Variants in ZNF385B observed in about 807,000 individuals in gnomAD.
ZNF385B encodes zinc finger protein 533.
In ZNF385B, 23 loss-of-function variants were observed where a neutral mutation model predicts 39.2. The ratio of observed to expected loss-of-function variants is 0.59; its 90% CI spans 0.42 to 0.83. The LOEUF is 0.83. Among genes scored for constraint, ZNF385B ranks in the 40% least tolerant of loss-of-function variants. The pLI is 0.00. For missense variants in ZNF385B, 552 were observed against 598.9 expected, an observed-to-expected ratio of 0.92 and a Z score of 0.82; for synonymous variants, 205 against 222.6, an observed-to-expected ratio of 0.92 and a Z score of 0.70.
intron 1 of ZNF385B, among the ~76,000 whole-genome samples, chr2:179,787,019 CGTATTAACCAT>C (rs1705046621): frequency 6.6e-6 from 1 of 152,074 alleles, no homozygotes; most frequent in Non-Finnish European, 1.5e-5. Flanking sequence ...TTTTCACACA[CGTATTAACCAT>C]GTATTATAGC....
chr2:179,705,306 T>C (rs1172379150), intron 3 of ZNF385B, among the ~76,000 whole-genome samples: 2 of 152,204 alleles, frequency 1.3e-5, no homozygotes, highest in African/African-American at 2.4e-5. Flanking sequence ...ACTCTGTCTG[T>C]AAACACAGTT....
At position 179,774,443 on chromosome 2, in the gene ZNF385B, C is replaced by T. The variant is rs149633796; in HGVS notation, c.-154-3771G>A. Among the ~76,000 whole-genome samples the T allele has an allele frequency of 2.0e-4, 30 of 152,136 alleles. No homozygotes were observed. The East Asian group carries it at 5.6e-3, about 28-fold the overall frequency. On this transcript the variant is annotated intron_variant, in intron 1 of 9. Coordinates refer to ENST00000410066, the MANE Select transcript of ZNF385B (RefSeq NM_152520.6). ...TGGTGCCATCTTGGCTCATTGCAAC[C>T]TCTGCCTCCTGGGTTCAAGCAATTC...
intron 5 of ZNF385B, among the ~76,000 whole-genome samples, chr2:179,516,377 C>A (rs2058090131): frequency 6.6e-6 from 1 of 152,062 alleles, no homozygotes; most frequent in Non-Finnish European, 1.5e-5. Flanking sequence ...TCCAAAGTGG[C>A]TGTACCATTT....
intron 1 of ZNF385B, among the ~76,000 whole-genome samples, chr2:179,818,740 C>T (rs914640132): frequency 6.6e-6 from 1 of 152,162 alleles, no homozygotes; most frequent in Non-Finnish European, 1.5e-5. Context: ...GGAGGAAACA[C>T]ATCACACAAG....
At chr2:179,524,711 G>T (rs372324331) in intron 4 of ZNF385B, among the ~76,000 whole-genome samples, 46 of 151,772 alleles carry the variant, frequency 3.0e-4, no homozygotes, top group African/African-American at 9.7e-4. Context: ...GTTAAAAAGT[G>T]AAAAAGGTAG....
chr2:179,723,874 G>T (rs1346628690), intron 3 of ZNF385B, among the ~76,000 whole-genome samples: 1 of 151,930 alleles, frequency 6.6e-6, no homozygotes, highest in Non-Finnish European at 1.5e-5. Flanking sequence ...TCTTTGCTTG[G>T]TTATCAATTG....
At chr2:179,795,187 G>C (rs1361840212) in intron 1 of ZNF385B, among the ~76,000 whole-genome samples, 5 of 152,082 alleles carry the variant, frequency 3.3e-5, no homozygotes, top group Non-Finnish European at 7.4e-5. Context: ...GTTCTCAGAA[G>C]AAGGAGGTGC....
chr2:179,569,439 A>G lies in ZNF385B; in HGVS notation c.299-24470T>C, dbSNP rs576401489. ...AAGTAACTTTATGAAGCAGTTCTATATCATGTGGGAAATCATGAGGAAAAT... is the reference window on the plus strand; with the variant it reads ...AAGTAACTTTATGAAGCAGTTCTATGTCATGTGGGAAATCATGAGGAAAAT... On this transcript the variant is annotated intron_variant, in intron 3 of 9. Coordinates refer to ENST00000410066, the MANE Select transcript of ZNF385B (RefSeq NM_152520.6). Among the ~76,000 whole-genome samples, 3 of 152,336 alleles carry G rather than the reference A, an allele frequency of 2.0e-5. No homozygotes were observed. In the South Asian group the frequency reaches 6.2e-4, roughly 32 times the overall value.
In ZNF385B at chr2:179,593,721, C is replaced by T. The variant is rs114577489; in HGVS notation, c.299-48752G>A. ...AACATTTTTAGAGAAAGTTCTTACGCTTATCTATACCATCCTTTAACTCAT... is the reference window on the plus strand; with the variant it reads ...AACATTTTTAGAGAAAGTTCTTACGTTTATCTATACCATCCTTTAACTCAT... On this transcript the variant is annotated intron_variant, in intron 3 of 9. Transcript: ENST00000410066. Among the ~76,000 whole-genome samples, 1,024 of 152,262 alleles carry T rather than the reference C, an allele frequency of 6.7e-3. 5 individuals are homozygous for T. Among genetic ancestry groups the T allele is most frequent in the Non-Finnish European group, 0.011 (777 of 68,016 alleles).
At chr2:179,588,931 A>T in intron 3 of ZNF385B, among the ~76,000 whole-genome samples, 1 of 152,174 alleles carries the variant, frequency 6.6e-6, no homozygotes, top group East Asian at 1.9e-4. Context: ...CTGTAGAGAG[A>T]GCTCTGCAAC....
At chr2:179,494,618 T>A (rs935156195) in intron 5 of ZNF385B, among the ~76,000 whole-genome samples, 1 of 152,066 alleles carries the variant, frequency 6.6e-6, no homozygotes, top group African/African-American at 2.4e-5. Context: ...ATTGTATTTT[T>A]AAAAATCTAT....
At chr2:179,652,918 AG>A (rs1478637043) in intron 3 of ZNF385B, among the ~76,000 whole-genome samples, 1 of 151,040 alleles carries the variant, frequency 6.6e-6, no homozygotes, top group Non-Finnish European at 1.5e-5. Context: ...GTCTTAGTTT[AG>A]GCAGGGAAAA....
At chr2:179,812,884 T>A (rs1328322106) in intron 1 of ZNF385B, among the ~76,000 whole-genome samples, 1 of 152,216 alleles carries the variant, frequency 6.6e-6, no homozygotes, top group African/African-American at 2.4e-5. Context: ...AGTTATTCCT[T>A]CATGTTCTTT....
intron 1 of ZNF385B, among the ~76,000 whole-genome samples, chr2:179,813,139 T>C (rs185833895): frequency 2.4e-4 from 36 of 152,342 alleles, no homozygotes; most frequent in African/African-American, 8.2e-4. Context: ...ATTATATAAA[T>C]ATCTACTTAC....
In ZNF385B at chr2:179,773,279, G is replaced by A. The variant is rs1704119479; in HGVS notation, c.-154-2607C>T. On this transcript the variant is annotated intron_variant, in intron 1 of 9. Coordinates refer to ENST00000410066, the MANE Select transcript of ZNF385B (RefSeq NM_152520.6). ...AGTGGCCACATCAGATGGAGAACAA[G>A]AAACTGCCTCCCTTCTATGTAAGTG... Among the ~76,000 whole-genome samples the A allele has an allele frequency of 2.6e-5, 4 of 152,168 alleles. No homozygotes were observed. The South Asian group carries it at 8.3e-4, about 32-fold the overall frequency.
chr2:179,579,882 G>A (rs1027863254), intron 3 of ZNF385B, among the ~76,000 whole-genome samples: 3 of 152,132 alleles, frequency 2.0e-5, no homozygotes, highest in Non-Finnish European at 4.4e-5. Flanking sequence ...TCACAGAGAA[G>A]ATTGAGAAAT....
intron 6 of ZNF385B, among the ~76,000 whole-genome samples, chr2:179,466,915 C>CAAA (rs777679885): frequency 0.045 from 1,210 of 26,914 alleles, 272 homozygotes; most frequent in South Asian, 0.077. Flanking sequence ...GCAAGACTGT[C>CAAA]AAAAAAAAAA....
chr2:179,603,502 T>G lies in ZNF385B; in HGVS notation c.299-58533A>C, dbSNP rs541877259. ...CTTTTCCATCCCAAAACCAAGACAA[T>G]GACCCAGGATCTTTAAACAACAATT... is the stretch of plus-strand genomic sequence containing the variant. On this transcript the variant is annotated intron_variant, in intron 3 of 9. Transcript: ENST00000410066. 3.0e-3 allele frequency among the ~76,000 whole-genome samples: 452 copies of G among 152,322 alleles called. 2 individuals carry two copies. Among genetic ancestry groups the G allele is most frequent in the African/African-American group, 0.01 (433 of 41,586 alleles).
intron 1 of ZNF385B, among the ~76,000 whole-genome samples, chr2:179,787,066 G>A (rs2106532832): frequency 6.6e-6 from 1 of 152,052 alleles, no homozygotes; most frequent in South Asian, 2.1e-4. Context: ...TCCTATTCAT[G>A]ACCTTTGTTT....
Sources: gnomAD v4.1 joint callset for allele counts (sites outside exome capture counted in the v4.1 genomes callset) on GRCh38, gnomAD v4.1.1 for gene constraint, MANE v1.5 for transcripts, NCBI Gene and HGNC (gene_info 2026-07-23, HGNC 2026-07-21) for gene names.